The following PIP5K1B variants were observed in gnomAD, a reference collection of about 807,000 sequenced individuals.
PIP5K1B encodes the protein phosphatidylinositol 4-phosphate 5-kinase type-1 beta.
A neutral mutation model predicts 67.0 loss-of-function variants in PIP5K1B; 42 were observed. The observed-to-expected ratio is 0.63, with a 90% CI of 0.49 to 0.81. The LOEUF (loss-of-function observed/expected upper bound fraction) is 0.81. Ranked by LOEUF, PIP5K1B falls within the 30% of genes least tolerant of loss-of-function variation. The pLI is 0.00. For missense variants in PIP5K1B, 459 were observed against 646.3 expected (o/e 0.71, Z 3.14); for synonymous variants, 214 against 231.4 (o/e 0.92, Z 0.68).
chr9:68,784,069 T>A (rs1831466661), intron 2 of PIP5K1B: 1 of 167,126 alleles, frequency 6.0e-6, no homozygotes, highest in Admixed American at 6.5e-5. Context: ...CCCGAAGGTA[T>A]GGAAACATTA....
At chr9:68,822,712 G>A in intron 4 of PIP5K1B, 29 bp downstream of exon 4, 1 of 1,507,452 alleles carries the variant, frequency 6.6e-7, no homozygotes, top group Non-Finnish European at 9.2e-7. Flanking sequence ...TTCTAAAGAG[G>A]AACACCGTTT....
At chr9:68,827,664 G>T (rs1038902920) in intron 4 of PIP5K1B, among the ~76,000 whole-genome samples, 2 of 152,162 alleles carry the variant, frequency 1.3e-5, no homozygotes, top group Admixed American at 6.5e-5. Context: ...TGGGTGCAAA[G>T]TTGAGTAGGA....
At chr9:68,935,137 T>C in intron 13 of PIP5K1B, 92 bp downstream of exon 13, 1 of 1,025,326 alleles carries the variant, frequency 9.8e-7, no homozygotes, top group East Asian at 2.6e-5. Context: ...AAATACCTGC[T>C]CTAAGAAATA....
At chr9:68,714,509 T>C (rs532418269) in intron 1 of PIP5K1B, among the ~76,000 whole-genome samples, 23 of 152,310 alleles carry the variant, frequency 1.5e-4, no homozygotes, top group African/African-American at 5.3e-4. Flanking sequence ...ACTCTGGGTC[T>C]CCTAGAATCC....
chr9:68,956,398 A>T (rs1053110198), intron 14 of PIP5K1B, among the ~76,000 whole-genome samples: 4 of 152,218 alleles, frequency 2.6e-5, no homozygotes, highest in Non-Finnish European at 5.9e-5. Flanking sequence ...TGAACCCCGG[A>T]GGCAGAGGTT....
At chr9:68,761,507 C>T (rs1333493889) in intron 2 of PIP5K1B, among the ~76,000 whole-genome samples, 1 of 152,104 alleles carries the variant, frequency 6.6e-6, no homozygotes, top group Non-Finnish European at 1.5e-5. Flanking sequence ...TGTATTATCT[C>T]ATAGTTCTGG....
intron 12 of PIP5K1B, among the ~76,000 whole-genome samples, chr9:68,926,357 A>C (rs1826700106): frequency 6.6e-6 from 1 of 152,036 alleles, no homozygotes; most frequent in Admixed American, 6.6e-5. Flanking sequence ...GGTTTGGATA[A>C]TTTTTCAGGT....
intron 8 of PIP5K1B, among the ~76,000 whole-genome samples, chr9:68,912,057 G>A (rs898650941): frequency 2.0e-5 from 3 of 151,904 alleles, no homozygotes; most frequent in Non-Finnish European, 4.4e-5. Flanking sequence ...CTTCTCCCTC[G>A]AGCTCCCCAG....
In PIP5K1B at chr9:68,992,123, G is replaced by A. The variant is rs1377721741; in HGVS notation, c.1620+866G>A. 5.9e-5 allele frequency among the ~76,000 whole-genome samples: 9 copies of A among 151,946 alleles called. No individual in the cohort carries two copies. In the East Asian group the frequency reaches 1.2e-3, roughly 20 times the overall value. On this transcript the variant is annotated intron_variant, in intron 15 of 15. Coordinates refer to ENST00000265382, the MANE Select transcript of PIP5K1B (RefSeq NM_003558.4). ...TGGGATTACAGGCATGTGCCACCAC[G>A]CCTGGCTAATTTTGTATTTTTAGTA...
intron 1 of PIP5K1B, among the ~76,000 whole-genome samples, chr9:68,726,479 C>T (rs1828153922): frequency 1.3e-5 from 2 of 152,154 alleles, no homozygotes; most frequent in African/African-American, 4.8e-5. Context: ...GTTAGGCTGG[C>T]AGTGAATAGA....
chr9:68,766,111 G>A (rs967083017), intron 2 of PIP5K1B, among the ~76,000 whole-genome samples: 1 of 152,062 alleles, frequency 6.6e-6, no homozygotes, highest in Non-Finnish European at 1.5e-5. Context: ...AGGAAAAGAT[G>A]GCATAATATG....
At chr9:69,004,052 T>C (rs1008674473) in intron 15 of PIP5K1B, among the ~76,000 whole-genome samples, 1 of 152,240 alleles carries the variant, frequency 6.6e-6, no homozygotes, top group African/African-American at 2.4e-5. Context: ...TTGTAATCTC[T>C]GACCCCTTGT....
intron 14 of PIP5K1B, among the ~76,000 whole-genome samples, chr9:68,972,687 A>G (rs1829439813): frequency 6.6e-6 from 1 of 152,192 alleles, no homozygotes. Flanking sequence ...GTACATACAT[A>G]TGTGCACATG....
At chr9:68,773,688 T>C (rs534372933) in intron 2 of PIP5K1B, among the ~76,000 whole-genome samples, 65 of 152,350 alleles carry the variant, frequency 4.3e-4, no homozygotes, top group Non-Finnish European at 7.5e-4. Flanking sequence ...CTTTTCACTT[T>C]ATCAAAGTTG....
In PIP5K1B at chr9:68,991,108, C is replaced by T. The variant is rs779148844; in HGVS notation, c.1503-32C>T. ...TGTCTTTAGATTTTGTTCTGGGGGC[C>T]TCATGCCCATCATTCATCTTTATTT... On this transcript the variant is annotated intron_variant, in intron 14 of 15. Transcript: ENST00000265382. 8 of 1,260,674 alleles carry T rather than the reference C, an allele frequency of 6.3e-6. No homozygotes were observed. In the Admixed American group the frequency reaches 1.0e-4, roughly 16 times the overall value. The allele number at this position is 1,260,674 out of a possible 1,614,324, so 78.1% of individuals were successfully genotyped here.
intron 12 of PIP5K1B, among the ~76,000 whole-genome samples, chr9:68,928,812 A>G (rs1826838618): frequency 6.6e-6 from 1 of 152,110 alleles, no homozygotes; most frequent in Non-Finnish European, 1.5e-5. Flanking sequence ...ACCTATAATG[A>G]CCTATACTTT....
At chr9:68,820,744 A>C (rs979361591) in intron 3 of PIP5K1B, among the ~76,000 whole-genome samples, 8 of 152,228 alleles carry the variant, frequency 5.3e-5, no homozygotes, top group African/African-American at 1.9e-4. Flanking sequence ...TGGTTCCCTA[A>C]TTATGAAGTT....
intron 8 of PIP5K1B, among the ~76,000 whole-genome samples, chr9:68,901,749 T>G (rs1825366579): frequency 6.6e-6 from 1 of 152,202 alleles, no homozygotes. Flanking sequence ...ATTGTTCGAG[T>G]TGGAAGGAAT....
chr9:68,714,670 T>TC (rs905040971), intron 1 of PIP5K1B, among the ~76,000 whole-genome samples: 1 of 152,162 alleles, frequency 6.6e-6, no homozygotes, highest in Admixed American at 6.5e-5. Flanking sequence ...CCTTTTGAGC[T>TC]CTTGGACAGC....
Sources: allele counts gnomAD v4.1 joint callset (sites outside exome capture counted in the v4.1 genomes callset), GRCh38; gene constraint gnomAD v4.1.1; transcripts MANE v1.5; gene names NCBI Gene and HGNC (gene_info 2026-07-23, HGNC 2026-07-21).